INSL6: variants seen among roughly 807,000 people sequenced by gnomAD.
INSL6 encodes the protein insulin like 6, also known as insulin-like peptide INSL6.
A neutral mutation model predicts 9.4 loss-of-function variants in INSL6; 16 were observed. The observed-to-expected ratio is 1.70, with a 90% CI of 1.15 to 2.59. The LOEUF is 2.59. Ranked by LOEUF, INSL6 falls within the 30% of genes most tolerant of loss-of-function variation. The pLI is 0.00. For synonymous variants in INSL6, 154 were observed against 96.9 expected (o/e 1.59, Z -3.46); for missense variants, 391 against 257.3 (o/e 1.52, Z -3.56).
At chr9:5,033,483 C>T in the INSL6 span, among the ~76,000 whole-genome samples, 5 of 152,080 alleles carry the variant, frequency 3.3e-5, no homozygotes, top group African/African-American at 1.2e-4. Context: ...TTAAGGGCAG[C>T]CAGAGAGAAA....
chr9:5,055,901 A>T, the INSL6 span: 4 of 930,124 alleles, frequency 4.3e-6, no homozygotes, highest in Non-Finnish European at 6.4e-6. Flanking sequence ...TTGTAGTTTT[A>T]AATATAACTC....
intron 2 of INSL6, among the ~76,000 whole-genome samples, chr9:5,149,916 A>C (rs1004793523): frequency 6.6e-6 from 1 of 152,222 alleles, no homozygotes; most frequent in Non-Finnish European, 1.5e-5. Flanking sequence ...TCAGCAGAAC[A>C]TAATAGAGAA....
chr9:5,036,619 C>G, the INSL6 span, among the ~76,000 whole-genome samples: 1 of 152,250 alleles, frequency 6.6e-6, no homozygotes, highest in South Asian at 2.1e-4. Flanking sequence ...GGAAAGGATT[C>G]CCTATTTAAT....
chr9:5,008,223 G>A, the INSL6 span, among the ~76,000 whole-genome samples: 1 of 152,062 alleles, frequency 6.6e-6, no homozygotes, highest in Admixed American at 6.5e-5. Flanking sequence ...ATGTTTGCTT[G>A]TTCCATTGTT....
At chr9:5,110,882 A>G in the INSL6 span, 6 of 525,844 alleles carry the variant, frequency 1.1e-5, no homozygotes, top group East Asian at 1.9e-4. Flanking sequence ...CAGGGTTTCC[A>G]TGTCTGAGAT....
downstream of INSL6, among the ~76,000 whole-genome samples, chr9:5,161,072 C>T (rs1322588914): frequency 6.6e-6 from 1 of 152,092 alleles, no homozygotes; most frequent in Non-Finnish European, 1.5e-5. Context: ...GGAATACTTC[C>T]AAACTCATTC....
chr9:5,143,528 G>GTAATA (rs1428950267), intron 2 of INSL6, among the ~76,000 whole-genome samples: 1 of 151,942 alleles, frequency 6.6e-6, no homozygotes, highest in African/African-American at 2.4e-5. Context: ...GGGGTCAGTG[G>GTAATA]TAATAACCCC....
At chr9:5,156,649 G>C (rs753787584) in intron 2 of INSL6, among the ~76,000 whole-genome samples, 5 of 152,100 alleles carry the variant, frequency 3.3e-5, no homozygotes, top group Non-Finnish European at 5.9e-5. Flanking sequence ...GCATTCTCTA[G>C]TTAATGTTGC....
downstream of INSL6, chr9:5,123,124 C>G: frequency 1.9e-6 from 3 of 1,553,258 alleles, no homozygotes; most frequent in Non-Finnish European, 2.6e-6. Context: ...CACCAGCGGT[C>G]AGTGTGCTTT....
chr9:5,149,891 A>C (rs1312261522), intron 2 of INSL6, among the ~76,000 whole-genome samples: 11 of 152,240 alleles, frequency 7.2e-5, no homozygotes, highest in African/African-American at 2.7e-4. Context: ...ACTCATATAA[A>C]AACAGACACA....
chr9:5,177,767 C>G (rs868536073), intron 1 of INSL6, among the ~76,000 whole-genome samples: 13 of 152,158 alleles, frequency 8.5e-5, no homozygotes, highest in Admixed American at 7.8e-4. Flanking sequence ...GTCAACTCAG[C>G]TGTTCCAGCC....
the INSL6 span, among the ~76,000 whole-genome samples, chr9:5,065,281 CTA>C: frequency 6.6e-6 from 1 of 151,962 alleles, no homozygotes; most frequent in African/African-American, 2.4e-5. Context: ...TTAATCATGC[CTA>C]TGTGTGATTC....
chr9:5,093,762 T>A, the INSL6 span, among the ~76,000 whole-genome samples: 4 of 152,176 alleles, frequency 2.6e-5, no homozygotes, highest in East Asian at 7.7e-4. Context: ...TTCTATCATA[T>A]CAATAATAGG....
chr9:5,025,445 A>G, the INSL6 span, among the ~76,000 whole-genome samples: 1 of 150,214 alleles, frequency 6.7e-6, no homozygotes, highest in Non-Finnish European at 1.5e-5. Context: ...CTTCATTGTT[A>G]TTTTGTTATT....
the INSL6 span, chr9:5,112,393 G>GGGA: frequency 4.6e-6 from 2 of 439,202 alleles, no homozygotes; most frequent in African/African-American, 2.1e-5. Flanking sequence ...GAAATCAAGC[G>GGGA]GGAGGAGGAG....
chr9:5,144,368 C>T (rs867537668), intron 2 of INSL6, among the ~76,000 whole-genome samples: 4 of 151,996 alleles, frequency 2.6e-5, no homozygotes, highest in Non-Finnish European at 4.4e-5. Context: ...TACGAGAGAC[C>T]GTTTGTATGA....
chr9:5,090,496 C>A, the INSL6 span: 6 of 1,588,764 alleles, frequency 3.8e-6, no homozygotes, highest in Non-Finnish European at 5.1e-6. Context: ...TGGAAGTTTA[C>A]GAGACTATCT....
intron 2 of INSL6, among the ~76,000 whole-genome samples, chr9:5,143,081 T>C (rs1824533868): frequency 6.6e-6 from 1 of 152,222 alleles, no homozygotes; most frequent in Non-Finnish European, 1.5e-5. Context: ...GATGTGCTGC[T>C]GGATTCCGTT....
intron 2 of INSL6, among the ~76,000 whole-genome samples, chr9:5,136,426 T>C (rs997112705): frequency 1.3e-5 from 2 of 152,184 alleles, no homozygotes; most frequent in Non-Finnish European, 2.9e-5. Context: ...TCCACCATGA[T>C]CAAGTCGGCT....
Sources: allele counts gnomAD v4.1 joint callset (sites outside exome capture counted in the v4.1 genomes callset), GRCh38; gene constraint gnomAD v4.1.1; transcripts MANE v1.5; gene names NCBI Gene and HGNC (gene_info 2026-07-23, HGNC 2026-07-21).